The following HIVEP1 variants were observed in gnomAD, a reference collection of about 807,000 sequenced individuals.
HIVEP1 encodes the protein HIVEP zinc finger 1, also known as zinc finger protein 40.
In HIVEP1, 36 loss-of-function variants were observed where a neutral mutation model predicts 180.0. The observed-to-expected ratio is 0.20, with a 90% CI of 0.15 to 0.26. The LOEUF (loss-of-function observed/expected upper bound fraction) is 0.26, where lower values mean the gene tolerates loss of function less well. Ranked by LOEUF, HIVEP1 falls within the 10% of genes least tolerant of loss-of-function variation. HIVEP1 has a pLI of 1.00. For missense variants in HIVEP1, 3,143 were observed against 3,268.7 expected (o/e 0.96, Z 0.94); for synonymous variants, 1,239 against 1,239.0 (o/e 1.00, Z 0.00).
At chr6:12,208,229 C>G in the HIVEP1 span, among the ~76,000 whole-genome samples, 1 of 152,176 alleles carries the variant, frequency 6.6e-6, no homozygotes, top group East Asian at 1.9e-4. Flanking sequence ...GCACCTAACA[C>G]CTCACCCTTT....
intron 3 of HIVEP1, among the ~76,000 whole-genome samples, chr6:12,110,612 G>T (rs955296196): frequency 2.0e-5 from 3 of 152,180 alleles, no homozygotes; most frequent in Non-Finnish European, 4.4e-5. Context: ...GAGAGTTAGG[G>T]CCTTTCTCTG....
At chr6:12,127,979 A>G (rs1758195611) in intron 4 of HIVEP1, among the ~76,000 whole-genome samples, 1 of 152,222 alleles carries the variant, frequency 6.6e-6, no homozygotes, top group Admixed American at 6.5e-5. Context: ...ATGGGAAAGA[A>G]CAGATAGATG....
In HIVEP1 at chr6:12,126,340, C is replaced by G. The variant is rs559492039; in HGVS notation, c.6075+470C>G. Among the ~76,000 whole-genome samples, 11 of 152,314 alleles carry G rather than the reference C, an allele frequency of 7.2e-5. No homozygotes were observed. The East Asian group carries it at 2.1e-3, about 29-fold the overall frequency. ...GCCATTTAGACTTGTCTTGAGCTTA[C>G]TAGCTACACGCCCCTGTCATGCTAT... On this transcript the variant is annotated intron_variant, in intron 4 of 8. Transcript: ENST00000379388.
the HIVEP1 span, among the ~76,000 whole-genome samples, chr6:12,188,533 G>A: frequency 3.3e-5 from 5 of 152,122 alleles, no homozygotes; most frequent in Middle Eastern, 0.01. Context: ...AAAAACAAGT[G>A]AATTTGATAA....
chr6:12,179,560 G>C, the HIVEP1 span, among the ~76,000 whole-genome samples: 1 of 152,186 alleles, frequency 6.6e-6, no homozygotes, highest in Non-Finnish European at 1.5e-5. Flanking sequence ...TAGTTAATGA[G>C]TTGCTCCTTC....
intron 2 of HIVEP1, among the ~76,000 whole-genome samples, chr6:12,023,234 C>G (rs1218872734): frequency 2.0e-5 from 3 of 152,108 alleles, no homozygotes; most frequent in Non-Finnish European, 4.4e-5. Context: ...TGGGCCTACT[C>G]CAGTGGTTAT....
Position 12,120,342 on chromosome 6 carries a change from C to T in HIVEP1, c.547C>T (p.His183Tyr), listed in dbSNP as rs1248880881. The T allele has an allele frequency of 6.2e-7, 1 of 1,614,208 alleles. No homozygotes were observed. Among genetic ancestry groups the T allele is most frequent in the Non-Finnish European group, 8.5e-7 (1 of 1,180,002 alleles). ...TGACAATAGCGAATGCATCTCTTCT[C>T]ATTGTGGCACTACGTCCCCCTCCTA... ...RTDNSECISSHCGTTSPSYTN... is the reference protein window; with the variant it reads ...RTDNSECISSYCGTTSPSYTN... The change falls in exon 4 of 9, where the codon CAT (histidine) becomes TAT (tyrosine). Residue 183 changes from histidine (H) to tyrosine (Y), a missense_variant. His to Tyr is a moderately conservative substitution (Grantham distance 83). Around this residue, in one of 12 missense-constraint regions of HIVEP1, gnomAD observed 306 missense variants for 310.6 expected, o/e 0.99. Coordinates refer to ENST00000379388, the MANE Select transcript of HIVEP1 (RefSeq NM_002114.4).
intron 1 of HIVEP1, among the ~76,000 whole-genome samples, chr6:12,013,101 A>C (rs917556100): frequency 6.6e-6 from 1 of 152,066 alleles, no homozygotes; most frequent in South Asian, 2.1e-4. Flanking sequence ...GCGGCGGAGC[A>C]GGCGGCGAGG....
At chr6:12,145,020 G>A (rs181092152) in intron 7 of HIVEP1, among the ~76,000 whole-genome samples, 1 of 152,184 alleles carries the variant, frequency 6.6e-6, no homozygotes, top group Non-Finnish European at 1.5e-5. Flanking sequence ...CCATTACTGG[G>A]TATATACCCA....
At chr6:12,050,478 C>T (rs936630898) in intron 2 of HIVEP1, among the ~76,000 whole-genome samples, 55 of 151,858 alleles carry the variant, frequency 3.6e-4, no homozygotes, top group East Asian at 1.9e-4. Flanking sequence ...CCCAGTTACT[C>T]GGGAGGCTGA....
chr6:12,158,492 T>C (rs1198651224), intron 7 of HIVEP1, among the ~76,000 whole-genome samples: 1 of 152,202 alleles, frequency 6.6e-6, no homozygotes, highest in Non-Finnish European at 1.5e-5. Context: ...CTCCTGTTTC[T>C]CTCCAAGCAC....
downstream of HIVEP1, among the ~76,000 whole-genome samples, chr6:12,168,016 A>ATATATACATG (rs1367665225): frequency 2.9e-5 from 1 of 34,604 alleles, no homozygotes; most frequent in African/African-American, 1.1e-4. Flanking sequence ...ATACATGTAC[A>ATATATACATG]TGTATATATG....
intron 7 of HIVEP1, among the ~76,000 whole-genome samples, chr6:12,146,244 A>AC (rs939883332): frequency 1.3e-5 from 2 of 152,212 alleles, no homozygotes; most frequent in Admixed American, 1.3e-4. Flanking sequence ...GGAGTTCAAG[A>AC]CCAGCCTGAC....
intron 2 of HIVEP1, among the ~76,000 whole-genome samples, chr6:12,060,476 T>C (rs546435486): frequency 9.2e-5 from 14 of 152,346 alleles, no homozygotes; most frequent in Admixed American, 6.5e-4. Flanking sequence ...TTTAAAACCT[T>C]GACTTTTCTA....
chr6:12,170,770 C>T, the HIVEP1 span, among the ~76,000 whole-genome samples: 4 of 152,098 alleles, frequency 2.6e-5, no homozygotes, highest in Admixed American at 1.3e-4. Context: ...GAAAGGAGCA[C>T]GGGCTGTGGA....
chr6:12,140,717 C>T (rs1030233581), intron 7 of HIVEP1, among the ~76,000 whole-genome samples: 7 of 152,130 alleles, frequency 4.6e-5, no homozygotes, highest in South Asian at 2.1e-4. Context: ...AACTACGTGA[C>T]GCATACACAA....
chr6:12,174,612 T>C, the HIVEP1 span, among the ~76,000 whole-genome samples: 1 of 152,202 alleles, frequency 6.6e-6, no homozygotes. Flanking sequence ...GAACCCTTTG[T>C]TGTCGTTTTT....
chr6:12,181,258 G>T, the HIVEP1 span, among the ~76,000 whole-genome samples: 1 of 152,028 alleles, frequency 6.6e-6, no homozygotes, highest in African/African-American at 2.4e-5. Context: ...TACTCGGGAG[G>T]CTGAGGCAGG....
At chr6:12,046,845 C>CTG (rs372934680) in intron 2 of HIVEP1, among the ~76,000 whole-genome samples, 26,920 of 141,014 alleles carry the variant, frequency 0.19, 2,457 homozygotes, top group Non-Finnish European at 0.21. Context: ...TGCCACTACA[C>CTG]TGTGTGTGTG....
Sources: gnomAD v4.1 joint callset for allele counts (sites outside exome capture counted in the v4.1 genomes callset) on GRCh38, gnomAD v4.1.1 for gene constraint, gnomAD v4.1.1 regional missense constraint, MANE v1.5 for transcripts, NCBI Gene and HGNC (gene_info 2026-07-23, HGNC 2026-07-21) for gene names.